The following PABPC4L variants were observed in gnomAD, a reference collection of about 807,000 sequenced individuals.
The protein encoded by PABPC4L is poly(A) binding protein cytoplasmic 4 like.
For missense variants in PABPC4L, 452 were observed against 451.4 expected (o/e 1.00, Z -0.01); for synonymous variants, 169 against 164.1 (o/e 1.03, Z -0.23).
At chr4:134,016,070 C>G in the PABPC4L span, among the ~76,000 whole-genome samples, 1 of 152,118 alleles carries the variant, frequency 6.6e-6, no homozygotes, top group Non-Finnish European at 1.5e-5. Context: ...ACATTTCCAT[C>G]TTTCATCTTC....
the PABPC4L span, among the ~76,000 whole-genome samples, chr4:134,114,234 A>T: frequency 6.6e-6 from 1 of 151,724 alleles, no homozygotes; most frequent in Admixed American, 6.6e-5. Flanking sequence ...CATCTGTCAC[A>T]CAGGTAAAAA....
Position 134,200,141 on chromosome 4 carries a change from T to C in PABPC4L, c.879A>G (p.Val293=), listed in dbSNP as rs1282277667. The part of the protein sequence containing the change: ...KRERIRGCQG[V]KLYIKNLDDT... ...CATCAAGGTTCTTAATATAGAGTTTTACCCCCTGGCACCCACGAATTCGTT... is the reference window on the plus strand; with the variant it reads ...CATCAAGGTTCTTAATATAGAGTTTCACCCCCTGGCACCCACGAATTCGTT... Residue 293 remains valine, a synonymous_variant, in exon 2 of 2, where the codon GTA becomes GTG. Transcript: ENST00000421491. 1 of 1,551,700 alleles carries C rather than the reference T, an allele frequency of 6.4e-7. No individual in the cohort carries two copies. Among genetic ancestry groups the C allele is most frequent in the Admixed American group, 2.0e-5 (1 of 51,010 alleles).
the PABPC4L span, among the ~76,000 whole-genome samples, chr4:134,110,100 T>C: frequency 2.0e-5 from 3 of 151,684 alleles, no homozygotes; most frequent in Admixed American, 2.0e-4. Context: ...CAAAGGATTG[T>C]AAAAAATGCA....
the PABPC4L span, among the ~76,000 whole-genome samples, chr4:133,956,278 A>G: frequency 6.6e-6 from 1 of 152,332 alleles, no homozygotes; most frequent in African/African-American, 2.4e-5. Context: ...CTTGTGAGTC[A>G]CTTTATTTTC....
At chr4:134,148,381 C>A in the PABPC4L span, among the ~76,000 whole-genome samples, 1 of 152,030 alleles carries the variant, frequency 6.6e-6, no homozygotes, top group East Asian at 1.9e-4. Context: ...ACAAAACCAA[C>A]AAATTACAGG....
At chr4:134,201,499 C>T (rs1729885782) in intron 1 of PABPC4L, among the ~76,000 whole-genome samples, 1 of 152,156 alleles carries the variant, frequency 6.6e-6, no homozygotes, top group South Asian at 2.1e-4. Flanking sequence ...CGGCAGAGAC[C>T]CGAACCTGCC....
At chr4:133,997,275 AGC>A in the PABPC4L span, among the ~76,000 whole-genome samples, 4 of 152,220 alleles carry the variant, frequency 2.6e-5, no homozygotes, top group Non-Finnish European at 5.9e-5. Context: ...ACATGTCAAA[AGC>A]CAAGACAGCA....
the PABPC4L span, among the ~76,000 whole-genome samples, chr4:134,087,824 C>A: frequency 6.6e-6 from 1 of 152,100 alleles, no homozygotes; most frequent in African/African-American, 2.4e-5. Flanking sequence ...TCCCTCTGGC[C>A]TCTCGGTCTA....
chr4:134,041,873 C>T, the PABPC4L span, among the ~76,000 whole-genome samples: 2 of 151,880 alleles, frequency 1.3e-5, no homozygotes, highest in Non-Finnish European at 2.9e-5. Flanking sequence ...TGGAGATTTC[C>T]CAAACAACTA....
chr4:134,104,428 T>G, the PABPC4L span, among the ~76,000 whole-genome samples: 1 of 151,808 alleles, frequency 6.6e-6, no homozygotes, highest in African/African-American at 2.4e-5. Context: ...TCAGGTCCCA[T>G]CCACCACCTA....
At chr4:134,157,611 T>C in the PABPC4L span, among the ~76,000 whole-genome samples, 8 of 151,846 alleles carry the variant, frequency 5.3e-5, no homozygotes, top group African/African-American at 1.7e-4. Flanking sequence ...AGAAATATTG[T>C]TTTTAAATTT....
chr4:134,201,070 C>T lies in PABPC4L; in HGVS notation c.-51G>A, dbSNP rs541577955. The T allele has an allele frequency of 1.2e-4, 180 of 1,551,460 alleles. 2 individuals carry two copies. The highest frequency in any genetic ancestry group is 4.3e-4 in the South Asian group (36 of 83,956). ...TGTCCCCTGGAGTTCTTTGAGCAAT[C>T]CCTGTGGGGGGATACTAGGTCACAG... is the stretch of plus-strand genomic sequence containing the variant. On this transcript the variant is annotated 5_prime_UTR_variant, in exon 2 of 2. Coordinates refer to ENST00000421491, the MANE Select transcript of PABPC4L (RefSeq NM_001114734.2).
At chr4:134,087,674 A>G in the PABPC4L span, among the ~76,000 whole-genome samples, 2 of 152,168 alleles carry the variant, frequency 1.3e-5, no homozygotes, top group African/African-American at 4.8e-5. Context: ...GAGGCCCTCT[A>G]TATGTGAAGT....
At chr4:134,128,058 A>G in the PABPC4L span, among the ~76,000 whole-genome samples, 1 of 152,126 alleles carries the variant, frequency 6.6e-6, no homozygotes, top group Non-Finnish European at 1.5e-5. Context: ...AGAAGAAAGA[A>G]CTTCAGAGCT....
the PABPC4L span, among the ~76,000 whole-genome samples, chr4:133,957,567 C>G: frequency 5.9e-5 from 9 of 152,132 alleles, no homozygotes; most frequent in Non-Finnish European, 1.2e-4. Flanking sequence ...TTCTTACAGC[C>G]CCACTAGGCA....
chr4:134,111,830 C>T, the PABPC4L span, among the ~76,000 whole-genome samples: 2 of 151,948 alleles, frequency 1.3e-5, no homozygotes, highest in Non-Finnish European at 2.9e-5. Flanking sequence ...GTCCAATAAA[C>T]CTCCCTCTTT....
the PABPC4L span, among the ~76,000 whole-genome samples, chr4:134,049,198 T>C: frequency 6.6e-6 from 1 of 152,062 alleles, no homozygotes; most frequent in Non-Finnish European, 1.5e-5. Context: ...ACAAATATTT[T>C]TGTCATCAAA....
At chr4:134,039,215 C>A in the PABPC4L span, among the ~76,000 whole-genome samples, 2 of 152,066 alleles carry the variant, frequency 1.3e-5, no homozygotes, top group Admixed American at 6.6e-5. Flanking sequence ...CATTCTTTTG[C>A]ATTTTTTGAG....
chr4:133,983,057 C>T, the PABPC4L span, among the ~76,000 whole-genome samples: 6 of 152,030 alleles, frequency 3.9e-5, no homozygotes, highest in Admixed American at 3.9e-4. Flanking sequence ...TCCAGAAATG[C>T]TTTCCTGTTT....
Sources: gnomAD v4.1 joint callset for allele counts (sites outside exome capture counted in the v4.1 genomes callset) on GRCh38, gnomAD v4.1.1 for gene constraint, MANE v1.5 for transcripts, NCBI Gene and HGNC (gene_info 2026-07-23, HGNC 2026-07-21) for gene names.